The following OR3A2 variants were observed in gnomAD, a reference collection of about 807,000 sequenced individuals.
OR3A2 encodes the protein olfactory receptor family 3 subfamily A member 2.
For synonymous variants in OR3A2, 126 were observed against 159.3 expected, an observed-to-expected ratio of 0.79 and a Z score of 1.57; for missense variants, 318 against 392.8, an observed-to-expected ratio of 0.81 and a Z score of 1.61.
intron 2 of OR3A2, among the ~76,000 whole-genome samples, chr17:3,339,586 G>C (rs2049299695): frequency 6.6e-6 from 1 of 152,074 alleles, no homozygotes; most frequent in Admixed American, 6.6e-5. Flanking sequence ...TTATTGACTT[G>C]CATATGTTGA....
At chr17:3,340,976 T>G (rs1221208220) in intron 2 of OR3A2, among the ~76,000 whole-genome samples, 1 of 152,190 alleles carries the variant, frequency 6.6e-6, no homozygotes, top group Non-Finnish European at 1.5e-5. Context: ...ATATTTAGGA[T>G]AGTTAGCTCT....
intron 2 of OR3A2, among the ~76,000 whole-genome samples, chr17:3,373,485 C>T (rs1244472999): frequency 6.6e-6 from 1 of 152,140 alleles, no homozygotes; most frequent in Non-Finnish European, 1.5e-5. Flanking sequence ...GTGTTCGGTA[C>T]ATATATAGTT....
intron 2 of OR3A2, among the ~76,000 whole-genome samples, chr17:3,350,175 C>T (rs1439146309): frequency 6.6e-6 from 1 of 151,698 alleles, no homozygotes; most frequent in African/African-American, 2.4e-5. Context: ...CAAGAAATAA[C>T]TAAAATCAGA....
chr17:3,283,123 A>G lies in OR3A2; in HGVS notation c.-7+1235T>C, dbSNP rs368342861. Among the ~76,000 whole-genome samples the G allele has an allele frequency of 2.0e-5, 3 of 152,116 alleles. No homozygotes were observed. In the East Asian group the frequency reaches 5.8e-4, roughly 29 times the overall value. On this transcript the variant is annotated intron_variant, in intron 1 of 1. Transcript: ENST00000642052. ...TACATTTTGGGTGAGTCACTTCTTT[A>G]TAGAGTCTGTCTCTGTAAGTGACTT... is the stretch of plus-strand genomic sequence containing the variant.
chr17:3,308,040 T>G (rs1343612580), intron 3 of OR3A2, among the ~76,000 whole-genome samples: 1 of 152,216 alleles, frequency 6.6e-6, no homozygotes, highest in African/African-American at 2.4e-5. Flanking sequence ...GAGTGCCGTT[T>G]CACCAGTGCT....
intron 3 of OR3A2, among the ~76,000 whole-genome samples, chr17:3,332,334 C>T: frequency 6.6e-6 from 1 of 152,238 alleles, no homozygotes; most frequent in Non-Finnish European, 1.5e-5. Context: ...GCAGTTTGAT[C>T]TCAGACTGCT....
chr17:3,370,461 T>G (rs982212489), intron 2 of OR3A2, among the ~76,000 whole-genome samples: 12 of 152,212 alleles, frequency 7.9e-5, no homozygotes, highest in Non-Finnish European at 1.3e-4. Flanking sequence ...TTCTTTATCT[T>G]GTCAAAGAAC....
chr17:3,328,508 G>A (rs1253355793), intron 3 of OR3A2, among the ~76,000 whole-genome samples: 1 of 138,636 alleles, frequency 7.2e-6, no homozygotes, highest in Non-Finnish European at 1.5e-5. Flanking sequence ...TGCAAACAGG[G>A]ACAATTTGAC....
chr17:3,276,684 A>T (rs529798788), downstream of OR3A2, among the ~76,000 whole-genome samples: 6 of 152,280 alleles, frequency 3.9e-5, 1 homozygote, highest in South Asian at 1.0e-3. Context: ...GTTATATTGG[A>T]TATTCTACAT....
intron 2 of OR3A2, among the ~76,000 whole-genome samples, chr17:3,355,200 T>G (rs2049455858): frequency 6.6e-6 from 1 of 151,506 alleles, no homozygotes; most frequent in African/African-American, 2.4e-5. Flanking sequence ...GTTTTATCAT[T>G]TGTTTTGTGA....
upstream of OR3A2, among the ~76,000 whole-genome samples, chr17:3,287,154 A>G (rs1183054205): frequency 2.0e-5 from 3 of 152,174 alleles, no homozygotes; most frequent in East Asian, 5.8e-4. Context: ...AGGAGACTTT[A>G]AAGTTTGAGA....
intron 2 of OR3A2, among the ~76,000 whole-genome samples, chr17:3,337,910 A>G (rs2049285115): frequency 6.6e-6 from 1 of 152,190 alleles, no homozygotes; most frequent in East Asian, 1.9e-4. Context: ...AAGTGTTCCT[A>G]TTTCTCCACA....
intron 2 of OR3A2, among the ~76,000 whole-genome samples, chr17:3,358,502 A>G (rs1209440465): frequency 6.6e-6 from 1 of 151,760 alleles, no homozygotes; most frequent in East Asian, 1.9e-4. Context: ...TTTCAAAGAC[A>G]GTTCTTGAAT....
chr17:3,335,024 C>T (rs1280482704), intron 3 of OR3A2, among the ~76,000 whole-genome samples: 2 of 152,086 alleles, frequency 1.3e-5, no homozygotes, highest in South Asian at 2.1e-4. Flanking sequence ...TTATTCATTG[C>T]TAATTTGAGA....
chr17:3,342,216 C>A (rs1345771967), intron 2 of OR3A2, among the ~76,000 whole-genome samples: 2 of 152,174 alleles, frequency 1.3e-5, no homozygotes, highest in African/African-American at 4.8e-5. Flanking sequence ...CAAACACCCT[C>A]CTTTAGCTCA....
At chr17:3,318,517 G>A (rs753449365) in intron 3 of OR3A2, among the ~76,000 whole-genome samples, 8 of 152,152 alleles carry the variant, frequency 5.3e-5, no homozygotes, top group African/African-American at 7.2e-5. Flanking sequence ...TATCGAGACC[G>A]CATTCCTCCA....
At chr17:3,374,026 T>G (rs2049657254) in intron 2 of OR3A2, among the ~76,000 whole-genome samples, 1 of 152,232 alleles carries the variant, frequency 6.6e-6, no homozygotes, top group Non-Finnish European at 1.5e-5. Context: ...TTTGTCAGTC[T>G]GAGAAAGATT....
intron 2 of OR3A2, among the ~76,000 whole-genome samples, chr17:3,348,640 G>C (rs1363539878): frequency 6.6e-6 from 1 of 152,194 alleles, no homozygotes; most frequent in East Asian, 1.9e-4. Context: ...CCCCAATCTA[G>C]CAAGGCAGGC....
chr17:3,292,647 A>G, intron 3 of OR3A2: 1 of 1,407,772 alleles, frequency 7.1e-7, no homozygotes, highest in Non-Finnish European at 9.6e-7. Context: ...TATTTACTCA[A>G]GAAAAAGAAA....
Sources: allele counts gnomAD v4.1 joint callset (sites outside exome capture counted in the v4.1 genomes callset), GRCh38; gene constraint gnomAD v4.1.1; transcripts MANE v1.5; gene names NCBI Gene and HGNC (gene_info 2026-07-23, HGNC 2026-07-21).